The following FGF5 variants were observed in gnomAD, a reference collection of about 807,000 sequenced individuals.
FGF5 encodes the protein fibroblast growth factor 5, also known as heparin-binding growth factor 5.
A neutral mutation model predicts 21.8 loss-of-function variants in FGF5; 23 were observed. The observed-to-expected ratio is 1.05, with a 90% CI of 0.76 to 1.49. The LOEUF (loss-of-function observed/expected upper bound fraction) is 1.49. Ranked by LOEUF, FGF5 falls within the 40% of genes most tolerant of loss-of-function variation. The pLI, the probability that FGF5 is intolerant of heterozygous loss-of-function variation, is 0.00. For synonymous variants in FGF5, 158 were observed against 124.0 expected, an observed-to-expected ratio of 1.27 and a Z score of -1.82; for missense variants, 352 against 332.9, an observed-to-expected ratio of 1.06 and a Z score of -0.45.
intron 2 of FGF5, among the ~76,000 whole-genome samples, chr4:80,282,817 C>A (rs1434562804): frequency 6.6e-6 from 1 of 151,592 alleles, no homozygotes; most frequent in East Asian, 1.9e-4. Flanking sequence ...GGAGTTCTAT[C>A]ATTTTAAAAG....
At chr4:80,286,202 G>A in intron 2 of FGF5, 123 bp from the exon 3 acceptor site, 1 of 614,928 alleles carries the variant, frequency 1.6e-6, no homozygotes, top group South Asian at 3.4e-5. Flanking sequence ...TTATAAAAAG[G>A]AATTGAGTAG....
chr4:80,277,745 C>T (rs1192526740), intron 2 of FGF5, among the ~76,000 whole-genome samples: 1 of 151,958 alleles, frequency 6.6e-6, no homozygotes, highest in Non-Finnish European at 1.5e-5. Flanking sequence ...TTAAAGGGTA[C>T]TTTTAGGGTT....
At chr4:80,268,550 G>T in intron 1 of FGF5, 1 of 985,966 alleles carries the variant, frequency 1.0e-6, no homozygotes, top group Non-Finnish European at 1.2e-6. Flanking sequence ...CCAGAGGGGG[G>T]TCGGAGGCGC....
In FGF5 at chr4:80,284,163, G is replaced by A. The variant is rs566378580; in HGVS notation, c.460-2162G>A. Reference sequence around the variant, plus strand: ...ATAATACCTGCCTTCGGCCGGGTGCGGTGGCTCACACCTGAATCCCAGCAC... The same window carrying A: ...ATAATACCTGCCTTCGGCCGGGTGCAGTGGCTCACACCTGAATCCCAGCAC... On this transcript the variant is annotated intron_variant, in intron 2 of 2. Coordinates refer to ENST00000312465, the MANE Select transcript of FGF5 (RefSeq NM_004464.4). Among the ~76,000 whole-genome samples the A allele has an allele frequency of 5.3e-5, 8 of 152,266 alleles. No homozygotes were observed. The South Asian group carries it at 6.2e-4, about 12-fold the overall frequency.
Position 80,286,316 on chromosome 4 carries a change from CCT to C in FGF5, c.460-7_460-6del. 6.5e-7 allele frequency: 1 copy of C among 1,535,316 alleles called. No individual in the cohort carries two copies. The highest frequency in any genetic ancestry group is 8.8e-7 in the Non-Finnish European group (1 of 1,140,688). The stretch of plus-strand genomic sequence containing the variant: ...CAACTTAAATTTCCTCTTTTTTTCT[CCT>C]CCTTAGGCCAAGTTCACAGATGACT... On this transcript the variant is annotated splice_polypyrimidine_tract_variant and splice_region_variant and intron_variant, in intron 2 of 2. Transcript: ENST00000312465.
intron 2 of FGF5, among the ~76,000 whole-genome samples, chr4:80,277,142 C>A (rs1485888285): frequency 6.6e-6 from 1 of 151,982 alleles, no homozygotes; most frequent in Non-Finnish European, 1.5e-5. Flanking sequence ...GAAATTTGAC[C>A]CAAATGTCTA....
chr4:80,269,552 A>T (rs759525254), intron 1 of FGF5, among the ~76,000 whole-genome samples: 10 of 152,226 alleles, frequency 6.6e-5, no homozygotes, highest in Non-Finnish European at 1.2e-4. Context: ...TTTAAAATCC[A>T]TGTTGAAAGA....
At chr4:80,285,348 T>C (rs185275159) in intron 2 of FGF5, among the ~76,000 whole-genome samples, 1 of 152,338 alleles carries the variant, frequency 6.6e-6, no homozygotes, top group African/African-American at 2.4e-5. Flanking sequence ...GAAAGTGTCA[T>C]GTTGACCTTT....
intron 1 of FGF5, chr4:80,268,642 T>C (rs531199707): frequency 2.6e-4 from 118 of 454,696 alleles, no homozygotes; most frequent in Non-Finnish European, 3.3e-4. Flanking sequence ...TGGTTCATGC[T>C]GAGAGAAAAG....
At chr4:80,269,637 T>C (rs1376820791) in intron 1 of FGF5, among the ~76,000 whole-genome samples, 1 of 152,234 alleles carries the variant, frequency 6.6e-6, no homozygotes, top group Admixed American at 6.5e-5. Flanking sequence ...TCCTAATTTA[T>C]TCTTGTTTAC....
intron 2 of FGF5, among the ~76,000 whole-genome samples, chr4:80,285,939 T>C (rs1720700625): frequency 6.6e-6 from 1 of 152,172 alleles, no homozygotes; most frequent in East Asian, 1.9e-4. Flanking sequence ...CTTAGTAATA[T>C]AGTTCCATTT....
At chr4:80,281,769 G>A (rs1720560771) in intron 2 of FGF5, among the ~76,000 whole-genome samples, 1 of 152,002 alleles carries the variant, frequency 6.6e-6, no homozygotes, top group Non-Finnish European at 1.5e-5. Context: ...ATATCATTTT[G>A]GAAATAATTT....
rs35109164 is a variant in FGF5, at chr4:80,276,319, A to C, written c.459+1307A>C. On this transcript the variant is annotated intron_variant, in intron 2 of 2. Coordinates refer to ENST00000312465, the MANE Select transcript of FGF5 (RefSeq NM_004464.4). ...AATGGAAATCCTTTGTTAAACACTTAAATCACTCATTGCAAGAACTATTAA... is the reference window on the plus strand; with the variant it reads ...AATGGAAATCCTTTGTTAAACACTTCAATCACTCATTGCAAGAACTATTAA... Among the ~76,000 whole-genome samples the C allele has an allele frequency of 1.9e-3, 290 of 152,188 alleles. 1 individual carries two copies. Among genetic ancestry groups the C allele is most frequent in the Non-Finnish European group, 3.4e-3 (228 of 67,954 alleles).
At position 80,290,302 on chromosome 4, in the gene FGF5, T is replaced by C. The variant is rs1720857576; in HGVS notation, c.*3630T>C. On this transcript the variant is annotated 3_prime_UTR_variant, in exon 3 of 3. Transcript: ENST00000312465. The stretch of plus-strand genomic sequence containing the variant: ...TAGGTGATAAAATTTTTTAAAAGTT[T>C]TGAAGGAAACCTCTGGATAAATGGA... 6.6e-6 allele frequency: 1 copy of C among 152,196 alleles called. No individual in the cohort carries two copies. Among genetic ancestry groups the C allele is most frequent in the Non-Finnish European group, 1.5e-5 (1 of 68,028 alleles). The allele number at this position is 152,196 out of a possible 1,614,324, so 9.4% of individuals were successfully genotyped here. A position where few individuals can be genotyped will look rare whatever the true frequency, so the allele number is the denominator to read the frequency against.
chr4:80,274,634 C>T (rs1030075935), intron 1 of FGF5, among the ~76,000 whole-genome samples: 53 of 151,978 alleles, frequency 3.5e-4, no homozygotes, highest in Middle Eastern at 3.2e-3. Flanking sequence ...AAACTTCATG[C>T]TCATTGTTTA....
At chr4:80,275,992 T>A (rs35498530) in intron 2 of FGF5, among the ~76,000 whole-genome samples, 1 of 152,046 alleles carries the variant, frequency 6.6e-6, no homozygotes, top group Non-Finnish European at 1.5e-5. Context: ...TTACTATATA[T>A]AATTTGATTT....
chr4:80,283,518 T>C (rs1720628755), intron 2 of FGF5, among the ~76,000 whole-genome samples: 1 of 152,104 alleles, frequency 6.6e-6, no homozygotes, highest in African/African-American at 2.4e-5. Context: ...AGAAATGCTG[T>C]GGTGTGTGTC....
At chr4:80,277,093 T>G (rs1043830954) in intron 2 of FGF5, among the ~76,000 whole-genome samples, 1 of 152,170 alleles carries the variant, frequency 6.6e-6, no homozygotes, top group African/African-American at 2.4e-5. Flanking sequence ...GAGGTTAAGA[T>G]ACATGATTCC....
chr4:80,274,268 A>G (rs1269193087), intron 1 of FGF5, among the ~76,000 whole-genome samples: 3 of 152,142 alleles, frequency 2.0e-5, no homozygotes, highest in Non-Finnish European at 4.4e-5. Flanking sequence ...AATGATTCAA[A>G]ATGCAAGATG....
Sources: gnomAD v4.1 joint callset for allele counts (sites outside exome capture counted in the v4.1 genomes callset) on GRCh38, gnomAD v4.1.1 for gene constraint, MANE v1.5 for transcripts, NCBI Gene and HGNC (gene_info 2026-07-23, HGNC 2026-07-21) for gene names.